D2HGDH: variants seen among roughly 807,000 people sequenced by gnomAD.
D2HGDH encodes D-2-hydroxyglutarate dehydrogenase, also known as D-2-hydroxyglutarate dehydrogenase, mitochondrial.
In D2HGDH, 31 loss-of-function variants were observed where a neutral mutation model predicts 46.9. That is an observed-to-expected ratio of 0.66 (90% CI 0.50 to 0.89). The LOEUF (loss-of-function observed/expected upper bound fraction) is 0.89, where lower values mean the gene tolerates loss of function less well. Among genes scored for constraint, D2HGDH ranks in the 40% least tolerant of loss-of-function variants. The probability of loss-of-function intolerance (pLI) is 0.00; values close to 1 mark genes in which losing one functional copy is unlikely to be tolerated. For synonymous variants in D2HGDH, 364 were observed against 332.6 expected, an observed-to-expected ratio of 1.09 and a Z score of -1.03; for missense variants, 698 against 720.8, an observed-to-expected ratio of 0.97 and a Z score of 0.36.
chr2:241,749,904 T>C, intron 6 of D2HGDH: 1 of 576,046 alleles, frequency 1.7e-6, no homozygotes, highest in Non-Finnish European at 3.2e-6. Context: ...CACCTTCTCC[T>C]GATCTGATGC....
At position 241,745,429 on chromosome 2, in the gene D2HGDH, A is replaced by G. The variant is rs1695609917; in HGVS notation, c.853+552A>G. Among the ~76,000 whole-genome samples, 5 of 152,114 alleles carry G rather than the reference A, an allele frequency of 3.3e-5. No homozygotes were observed. The South Asian group carries it at 8.3e-4, about 25-fold the overall frequency. ...TTTGAATCGGGCGGGTTTATCCAGCATTTCCTCCTCAGGAGTTCAGAAGTC... is the reference window on the plus strand; with the variant it reads ...TTTGAATCGGGCGGGTTTATCCAGCGTTTCCTCCTCAGGAGTTCAGAAGTC... On this transcript the variant is annotated intron_variant, in intron 6 of 9. Transcript: ENST00000321264.
In D2HGDH at chr2:241,742,325, G is replaced by A; in HGVS notation, c.351-110G>A. ...GAGCCCCCGCTGAGGCTGCAGGCAG[G>A]GCAGGGTAATCAGGATTTGGAGTCA... On this transcript the variant is annotated intron_variant, in intron 3 of 9. Coordinates refer to ENST00000321264, the MANE Select transcript of D2HGDH (RefSeq NM_152783.5). The surrounding 1 kb of genome is among the most constrained non-coding windows in gnomAD (Gnocchi z 4.8). 2 of 1,419,372 alleles carry A rather than the reference G, an allele frequency of 1.4e-6. No individual in the cohort carries two copies. The highest frequency in any genetic ancestry group is 1.4e-5 in the African/African-American group (1 of 70,510). The allele number at this position is 1,419,372 out of a possible 1,614,324, so 87.9% of individuals were successfully genotyped here. A position where few individuals can be genotyped will look rare whatever the true frequency, so the allele number is the denominator to read the frequency against.
intron 9 of D2HGDH, among the ~76,000 whole-genome samples, chr2:241,756,354 T>C (rs1698178566): frequency 6.6e-6 from 1 of 152,206 alleles, no homozygotes; most frequent in South Asian, 2.1e-4. Flanking sequence ...TCTCAGGGGC[T>C]CCTCTCACAG....
chr2:241,749,669 T>TA (rs1015566535), intron 6 of D2HGDH: 47 of 325,702 alleles, frequency 1.4e-4, no homozygotes, highest in Non-Finnish European at 3.6e-5. Flanking sequence ...ATTCCCAAGA[T>TA]ACGCCCCCTC....
intron 6 of D2HGDH, chr2:241,749,359 TC>T (rs1305194277): frequency 2.1e-5 from 27 of 1,285,824 alleles, no homozygotes; most frequent in Non-Finnish European, 2.7e-5. Flanking sequence ...TTCTCTGATA[TC>T]CACATGCCTT....
rs1362597913 is a variant in D2HGDH, at chr2:241,734,883, G to C, written c.-93+188G>C. 9.7e-5 allele frequency: 26 copies of C among 267,940 alleles called. No individual in the cohort carries two copies. The East Asian group carries it at 1.2e-3, about 12-fold the overall frequency. The allele number at this position is 267,940 out of a possible 1,614,324, so 16.6% of individuals were successfully genotyped here. ...GCGCGCGCGTCCGCGGGATCCCCTC[G>C]GGGGGCGAGCTCGGAGGAACGGGGT... is the stretch of plus-strand genomic sequence containing the variant. On this transcript the variant is annotated intron_variant, in intron 1 of 9. Coordinates refer to ENST00000321264, the MANE Select transcript of D2HGDH (RefSeq NM_152783.5).
chr2:241,744,921 G>A (rs763480314), intron 6 of D2HGDH, 44 bp downstream of exon 6: 9 of 1,612,778 alleles, frequency 5.6e-6, no homozygotes, highest in African/African-American at 2.7e-5. Flanking sequence ...GGTTGGGCTC[G>A]AGCGTCTGCT....
chr2:241,748,946 TCAGA>T (rs1457836217), intron 6 of D2HGDH: 3 of 1,290,608 alleles, frequency 2.3e-6, no homozygotes, highest in South Asian at 2.5e-5. Flanking sequence ...ACTCCAGGTC[TCAGA>T]CAGGAGTCAC....
Position 241,743,798 on chromosome 2 carries a change from G to T in D2HGDH, c.667G>T (p.Val223Phe). Residue 223 changes from valine to phenylalanine, a missense_variant, in exon 5 of 10, where the codon GTC becomes TTC. Val to Phe is a conservative substitution (Grantham distance 50). Transcript: ENST00000321264. This position sits in a 1 kb window ranked among gnomAD's most constrained non-coding sequence, Gnocchi z 4.8. ...FLRYGSLHGT[V>F]LGLEVVLADG... ...TCGATATGGCTCACTGCATGGGACT[G>T]TCCTGGGCCTGGAAGTGGTGAGCTG... is the stretch of plus-strand genomic sequence containing the variant. The T allele has an allele frequency of 6.2e-7, 1 of 1,604,142 alleles. No homozygotes were observed. Among genetic ancestry groups the T allele is most frequent in the Non-Finnish European group, 8.5e-7 (1 of 1,175,854 alleles).
rs4075956 is a variant in D2HGDH, at chr2:241,749,996, C to G, written c.854-155C>G. The G allele has an allele frequency of 1.6e-5, 18 of 1,111,186 alleles. No homozygotes were observed. In the South Asian group the frequency reaches 2.3e-4, roughly 14 times the overall value. The allele number at this position is 1,111,186 out of a possible 1,614,324, so 68.8% of individuals were successfully genotyped here. The stretch of plus-strand genomic sequence containing the variant: ...CAGGCGTGCACCTGCCAGGCAAACC[C>G]TGGGCTGTTTGTTGCAGTGCCAGTC... On this transcript the variant is annotated intron_variant, in intron 6 of 9. Transcript: ENST00000321264.
chr2:241,759,578 A>G (rs1171986840), intron 9 of D2HGDH, among the ~76,000 whole-genome samples: 1 of 152,102 alleles, frequency 6.6e-6, no homozygotes, highest in East Asian at 1.9e-4. Context: ...GCCCCCGGAC[A>G]GGTTTCTTGC....
intron 6 of D2HGDH, among the ~76,000 whole-genome samples, chr2:241,748,644 C>T (rs1014026095): frequency 6.6e-6 from 1 of 152,246 alleles, no homozygotes; most frequent in African/African-American, 2.4e-5. Context: ...CGCCCATTGC[C>T]TCCGGCACAA....
In D2HGDH at chr2:241,753,103, C is replaced by T. The variant is rs1697550047; in HGVS notation, c.1140+1715C>T. ...GGCTGGTTCTGTGTTCACAAAGTCA[C>T]CTCCAGACGCTTCCTGGGACGGGTT... On this transcript the variant is annotated intron_variant, in intron 8 of 9. Coordinates refer to ENST00000321264, the MANE Select transcript of D2HGDH (RefSeq NM_152783.5). Among the ~76,000 whole-genome samples, 6 of 152,204 alleles carry T rather than the reference C, an allele frequency of 3.9e-5. No individual in the cohort carries two copies. The South Asian group carries it at 1.2e-3, about 31-fold the overall frequency.
intron 7 of D2HGDH, 77 bp from the exon 8 acceptor site, chr2:241,751,169 G>A (rs756749735): frequency 8.1e-6 from 13 of 1,602,414 alleles, no homozygotes; most frequent in Non-Finnish European, 1.1e-5. Flanking sequence ...TATTACAGCT[G>A]TTCTGCCCGA....
intron 6 of D2HGDH, among the ~76,000 whole-genome samples, chr2:241,745,616 C>T (rs1575242162): frequency 1.3e-5 from 2 of 152,218 alleles, no homozygotes; most frequent in South Asian, 2.1e-4. Flanking sequence ...ATGTGTGTTC[C>T]GTATTTTAAG....
chr2:241,749,168 C>T (rs1213164919), intron 6 of D2HGDH: 1 of 829,586 alleles, frequency 1.2e-6, no homozygotes, highest in African/African-American at 1.9e-5. Context: ...GCAAGATGCC[C>T]AGTCCCCACC....
intron 9 of D2HGDH, among the ~76,000 whole-genome samples, chr2:241,761,197 G>A (rs1361069909): frequency 1.3e-5 from 2 of 152,208 alleles, no homozygotes; most frequent in African/African-American, 2.4e-5. Context: ...GACAGACACA[G>A]CATTTCCGTC....
In D2HGDH at chr2:241,743,650, C is replaced by A; in HGVS notation, c.519C>A (p.Val173=). 6.2e-7 allele frequency: 1 copy of A among 1,613,860 alleles called. No individual in the cohort carries two copies. The highest frequency in any genetic ancestry group is 8.5e-7 in the Non-Finnish European group (1 of 1,179,990). Residue 173 remains valine (V), a synonymous_variant, in exon 5 of 10, where the codon GTC becomes GTA. Transcript: ENST00000321264. This position sits in a 1 kb window ranked among gnomAD's most constrained non-coding sequence, Gnocchi z 4.8. The part of the protein sequence containing the change: ...SGILVCQAGC[V]LEELSRYVEE... ...TTCTGGTTTGCCAGGCGGGCTGCGT[C>A]CTGGAGGAGCTGAGCCGGTATGTGG...
intron 8 of D2HGDH, among the ~76,000 whole-genome samples, chr2:241,752,526 G>T (rs955749200): frequency 1.6e-4 from 24 of 152,112 alleles, no homozygotes; most frequent in Admixed American, 1.3e-3. Flanking sequence ...TTCCGTGTGG[G>T]TGATCGCTGT....
Sources: gnomAD v4.1 joint callset for allele counts (sites outside exome capture counted in the v4.1 genomes callset) on GRCh38, gnomAD v4.1.1 for gene constraint, Gnocchi (gnomAD v3.1) non-coding constraint, MANE v1.5 for transcripts, NCBI Gene and HGNC (gene_info 2026-07-23, HGNC 2026-07-21) for gene names.